Variants in ADARB2 observed in about 807,000 individuals in gnomAD.
ADARB2 encodes adenosine deaminase RNA specific B2 (inactive).
ADARB2 carries 25 observed loss-of-function variants against 62.2 expected under a neutral mutation model. That is an observed-to-expected ratio of 0.40 (90% CI 0.29 to 0.56). The LOEUF (loss-of-function observed/expected upper bound fraction) is 0.56, where lower values mean the gene tolerates loss of function less well. ADARB2 is among the 20% of genes least tolerant of loss of function. The probability of loss-of-function intolerance (pLI) is 0.43; values close to 1 mark genes in which losing one functional copy is unlikely to be tolerated. For missense variants in ADARB2, 1,071 were observed against 1,077.4 expected, an observed-to-expected ratio of 0.99 and a Z score of 0.08; for synonymous variants, 572 against 500.8, an observed-to-expected ratio of 1.14 and a Z score of -1.90.
intron 1 of ADARB2, among the ~76,000 whole-genome samples, chr10:1,504,015 A>G (rs539747118): frequency 6.6e-6 from 1 of 152,308 alleles, no homozygotes; most frequent in South Asian, 2.1e-4. Flanking sequence ...ATGGCTTAAT[A>G]CAGGCCAGAG....
chr10:1,419,658 A>G (rs1411940553), intron 1 of ADARB2, among the ~76,000 whole-genome samples: 1 of 152,234 alleles, frequency 6.6e-6, no homozygotes, highest in East Asian at 1.9e-4. Flanking sequence ...TTAAAGTCTC[A>G]TGATGTCTCT....
intron 4 of ADARB2, among the ~76,000 whole-genome samples, chr10:1,244,287 G>A (rs976440747): frequency 3.3e-5 from 5 of 152,088 alleles, no homozygotes; most frequent in Non-Finnish European, 7.3e-5. Context: ...TTCCAGCTTC[G>A]TTAAAGCTGG....
At chr10:1,420,429 C>T (rs913452715) in intron 1 of ADARB2, among the ~76,000 whole-genome samples, 10 of 152,094 alleles carry the variant, frequency 6.6e-5, no homozygotes, top group African/African-American at 2.4e-4. Flanking sequence ...CTGTATTCAT[C>T]TAATTATTGA....
At chr10:1,638,085 G>C (rs541495495) in intron 1 of ADARB2, among the ~76,000 whole-genome samples, 1 of 152,114 alleles carries the variant, frequency 6.6e-6, no homozygotes, top group East Asian at 1.9e-4. Context: ...AATAATGAAA[G>C]TTCCTTTTCT....
At chr10:1,258,394 G>A (rs190077922) in intron 4 of ADARB2, among the ~76,000 whole-genome samples, 3 of 152,078 alleles carry the variant, frequency 2.0e-5, no homozygotes, top group Non-Finnish European at 4.4e-5. Context: ...ACCCATCAGT[G>A]TGCTGTATTC....
At chr10:1,219,049 CAAAAA>C (rs58282140) in intron 6 of ADARB2, among the ~76,000 whole-genome samples, 1,580 of 103,582 alleles carry the variant, frequency 0.015, 13 homozygotes, top group Non-Finnish European at 0.02. Flanking sequence ...GACTACGTCT[CAAAAA>C]AAAAAAAAAA....
At chr10:1,524,878 A>G (rs943098722) in intron 1 of ADARB2, among the ~76,000 whole-genome samples, 3 of 152,190 alleles carry the variant, frequency 2.0e-5, no homozygotes, top group Non-Finnish European at 4.4e-5. Context: ...GTCTGGCTGG[A>G]ATGAAATACA....
In ADARB2 at chr10:1,737,179, C is replaced by A. The variant is rs745927847; in HGVS notation, c.-29G>T. The A allele has an allele frequency of 6.3e-7, 1 of 1,598,184 alleles. No individual in the cohort carries two copies. The highest frequency in any genetic ancestry group is 8.5e-7 in the Non-Finnish European group (1 of 1,176,974). On this transcript the variant is annotated 5_prime_UTR_variant, in exon 1 of 10. Coordinates refer to ENST00000381312, the MANE Select transcript of ADARB2 (RefSeq NM_018702.4). The stretch of plus-strand genomic sequence containing the variant: ...CGAGACCCAGGCGCGGAGCCCAGAG[C>A]CGCCTCCCTCCTGCACCTGCACCTG...
At chr10:1,548,061 T>C (rs2813352) in intron 1 of ADARB2, among the ~76,000 whole-genome samples, 141,702 of 152,142 alleles carry the variant, frequency 0.93, 66,477 homozygotes, top group East Asian at 1. Flanking sequence ...GAGTCTGAGC[T>C]GCTGTGGTCT....
intron 1 of ADARB2, among the ~76,000 whole-genome samples, chr10:1,717,490 CTTCCT>C (rs1300526926): frequency 6.6e-6 from 1 of 151,436 alleles, no homozygotes; most frequent in East Asian, 1.9e-4. Flanking sequence ...TTCTTTCTTC[CTTCCT>C]TTCCTTTCTT....
chr10:1,511,381 T>C (rs953647299), intron 1 of ADARB2, among the ~76,000 whole-genome samples: 1 of 152,194 alleles, frequency 6.6e-6, no homozygotes, highest in African/African-American at 2.4e-5. Flanking sequence ...GGGGACTCTC[T>C]TTCTTCAGGT....
At chr10:1,263,162 A>G (rs111433968) in intron 4 of ADARB2, among the ~76,000 whole-genome samples, 3,972 of 150,880 alleles carry the variant, frequency 0.026, 180 homozygotes, top group African/African-American at 0.091. Context: ...GGATAGCATT[A>G]GGAGATATAC....
chr10:1,402,848 C>T (rs1442974668), intron 1 of ADARB2, among the ~76,000 whole-genome samples: 2 of 152,190 alleles, frequency 1.3e-5, no homozygotes, highest in Non-Finnish European at 2.9e-5. Context: ...CAGAAATGTT[C>T]GAAAATCACT....
intron 1 of ADARB2, among the ~76,000 whole-genome samples, chr10:1,735,377 G>A (rs926761872): frequency 2.6e-5 from 4 of 152,110 alleles, no homozygotes; most frequent in African/African-American, 9.7e-5. Flanking sequence ...TCCTGGCAAG[G>A]CAAGTGAATT....
At chr10:1,364,400 G>T (rs1832295042) in intron 2 of ADARB2, among the ~76,000 whole-genome samples, 1 of 152,184 alleles carries the variant, frequency 6.6e-6, no homozygotes, top group Non-Finnish European at 1.5e-5. Flanking sequence ...GCAGACAGGT[G>T]GTGTCTCCTG....
At chr10:1,449,424 C>A (rs373425582) in intron 1 of ADARB2, among the ~76,000 whole-genome samples, 38 of 152,330 alleles carry the variant, frequency 2.5e-4, no homozygotes, top group African/African-American at 8.7e-4. Context: ...AAAAGTTCTT[C>A]AGAAGTCCCA....
At chr10:1,190,148 C>G (rs1836822044) in intron 8 of ADARB2, among the ~76,000 whole-genome samples, 1 of 151,484 alleles carries the variant, frequency 6.6e-6, no homozygotes, top group African/African-American at 2.5e-5. Flanking sequence ...AGTCTGAACT[C>G]AGAAAACATG....
intron 1 of ADARB2, among the ~76,000 whole-genome samples, chr10:1,476,364 A>T (rs1327823987): frequency 2.0e-5 from 3 of 152,208 alleles, no homozygotes; most frequent in Non-Finnish European, 4.4e-5. Context: ...CCTGCAGGGC[A>T]GAGCTGGGCT....
intron 1 of ADARB2, among the ~76,000 whole-genome samples, chr10:1,401,595 C>T (rs10903441): frequency 0.19 from 28,682 of 152,122 alleles, 3,203 homozygotes; most frequent in East Asian, 0.44. Context: ...GCTGTGAAGA[C>T]CGCGGTGCAT....
Sources: gnomAD v4.1 joint callset for allele counts (sites outside exome capture counted in the v4.1 genomes callset) on GRCh38, gnomAD v4.1.1 for gene constraint, MANE v1.5 for transcripts, NCBI Gene and HGNC (gene_info 2026-07-23, HGNC 2026-07-21) for gene names.